Variants in HIBCH observed in about 807,000 individuals in gnomAD.
The protein encoded by HIBCH is 3-hydroxyisobutyryl-CoA hydrolase.
Under a neutral mutation model 58.2 loss-of-function variants are expected in HIBCH, and 50 were observed. That is an observed-to-expected ratio of 0.86 (90% CI 0.68 to 1.09). HIBCH has a LOEUF of 1.09. Among genes scored for constraint, HIBCH ranks in the 50% least tolerant of loss-of-function variants. The probability of loss-of-function intolerance (pLI) is 0.00; values close to 1 mark genes in which losing one functional copy is unlikely to be tolerated. For missense variants in HIBCH, 450 were observed against 449.7 expected, an observed-to-expected ratio of 1.00 and a Z score of -0.01; for synonymous variants, 151 against 146.9, an observed-to-expected ratio of 1.03 and a Z score of -0.20.
chr2:190,195,356 G>GATCATACAGTAAGA (rs540829380), intron 1 of HIBCH, among the ~76,000 whole-genome samples: 4,314 of 152,258 alleles, frequency 0.028, 89 homozygotes, highest in Non-Finnish European at 0.042. Context: ...AGAACTGCTG[G>GATCATACAGTAAGA]ATCATACAGT....
chr2:190,251,644 G>A, intron 8 of HIBCH: 1 of 311,552 alleles, frequency 3.2e-6, no homozygotes. Context: ...TTTCCACTAT[G>A]TTATCCTGTG....
chr2:190,195,654 G>T (rs1201587998), intron 1 of HIBCH, among the ~76,000 whole-genome samples: 1 of 152,140 alleles, frequency 6.6e-6, no homozygotes, highest in Admixed American at 6.6e-5. Context: ...GTATACTTTA[G>T]ATAACAATCT....
intron 1 of HIBCH, chr2:190,190,035 G>A (rs974289081): frequency 1.3e-5 from 2 of 152,154 alleles, no homozygotes; most frequent in Non-Finnish European, 2.9e-5. Flanking sequence ...CTGGATTTAG[G>A]TGCCCCAGAA....
intron 11 of HIBCH, chr2:190,213,675 C>G (rs1337547688): frequency 6.5e-6 from 1 of 154,130 alleles, no homozygotes; most frequent in Non-Finnish European, 1.4e-5. Context: ...GGTCATAAGT[C>G]AAATACTTCA....
chr2:190,279,029 C>T lies in HIBCH; in HGVS notation c.438+8557G>A, dbSNP rs895855103. 6.6e-6 allele frequency among the ~76,000 whole-genome samples: 1 copy of T among 152,184 alleles called. No homozygotes were observed. Among genetic ancestry groups the T allele is most frequent in the African/African-American group, 2.4e-5 (1 of 41,446 alleles). ...GAAAAGGAATCTATGTCTTACAGCT[C>T]TTCTGGAGATTGGGAAAGCCAAGGT... On this transcript the variant is annotated intron_variant, in intron 6 of 13. Coordinates refer to ENST00000359678, the MANE Select transcript of HIBCH (RefSeq NM_014362.4). This position sits in a 1 kb window ranked among gnomAD's most constrained non-coding sequence, Gnocchi z 4.2.
chr2:190,205,194 C>T lies in HIBCH; in HGVS notation c.1084G>A (p.Ala362Thr), dbSNP rs375193143. The T allele has an allele frequency of 3.7e-6, 6 of 1,609,042 alleles. No homozygotes were observed. Among genetic ancestry groups the T allele is most frequent in the Admixed American group, 3.3e-5 (2 of 60,000 alleles). Residue 362 changes from alanine to threonine, a missense_variant, in exon 14 of 14, where the codon GCT becomes ACT. Ala to Thr is a moderately conservative substitution (Grantham distance 58, BLOSUM62 0). Transcript: ENST00000359678. ...TCCTCAGTAACTTCTTTTAGATCAG[C>T]TGGTTTCCATTTTGGACTCTGGTCT... ...DKDQSPKWKPADLKEVTEEDL... is the reference protein window; with the variant it reads ...DKDQSPKWKPTDLKEVTEEDL...
In HIBCH at chr2:190,310,739, A is replaced by G. The variant is rs1688535091; in HGVS notation, c.78+15T>C. ...ACATACAAATAATGCCAGCAAAACAAACACAATAACTTACCAAATGGTGCA... is the reference window on the plus strand; with the variant it reads ...ACATACAAATAATGCCAGCAAAACAGACACAATAACTTACCAAATGGTGCA... On this transcript the variant is annotated intron_variant, in intron 2 of 13. Transcript: ENST00000359678. 2 of 1,596,190 alleles carry G rather than the reference A, an allele frequency of 1.3e-6. No individual in the cohort carries two copies. The highest frequency in any genetic ancestry group is 2.7e-5 in the African/African-American group (2 of 74,578).
chr2:190,288,626 ATTT>A lies in HIBCH; in HGVS notation c.386-991_386-989del, dbSNP rs1575751121. Reference sequence around the variant, plus strand: ...GTTACATTCCATGTTGTTAAAAACAATTTATGGAATGGTTACACAGTAAGATAG... The same window carrying A: ...GTTACATTCCATGTTGTTAAAAACAAATGGAATGGTTACACAGTAAGATAG... On this transcript the variant is annotated intron_variant, in intron 5 of 13. Transcript: ENST00000359678. Among the ~76,000 whole-genome samples, 5 of 152,092 alleles carry A rather than the reference ATTT, an allele frequency of 3.3e-5. No homozygotes were observed. In the East Asian group the frequency reaches 9.6e-4, roughly 29 times the overall value.
chr2:190,314,404 T>C (rs1242128727), intron 1 of HIBCH, among the ~76,000 whole-genome samples: 1 of 147,304 alleles, frequency 6.8e-6, no homozygotes, highest in Non-Finnish European at 1.5e-5. Flanking sequence ...TATATATACG[T>C]ATATATGTGT....
chr2:190,284,949 T>C (rs1175131396), intron 6 of HIBCH, among the ~76,000 whole-genome samples: 1 of 152,216 alleles, frequency 6.6e-6, no homozygotes, highest in Non-Finnish European at 1.5e-5. Context: ...TTACTTTCAG[T>C]GGAGTACTTA....
Position 190,206,531 on chromosome 2 carries a change from G to A in HIBCH, c.1046-1299C>T, listed in dbSNP as rs1217812491. ...ATACATACAAGTTCGTGCCATGTAGGCAGCTCAGGTTTTGCAAGTCTCCTG... is the reference window on the plus strand; with the variant it reads ...ATACATACAAGTTCGTGCCATGTAGACAGCTCAGGTTTTGCAAGTCTCCTG... On this transcript the variant is annotated intron_variant, in intron 13 of 13. Coordinates refer to ENST00000359678, the MANE Select transcript of HIBCH (RefSeq NM_014362.4). The surrounding 1 kb of genome is among the most constrained non-coding windows in gnomAD (Gnocchi z 5.1). Among the ~76,000 whole-genome samples the A allele has an allele frequency of 6.6e-6, 1 of 152,150 alleles. No homozygotes were observed. The highest frequency in any genetic ancestry group is 2.4e-5 in the African/African-American group (1 of 41,428).
chr2:190,258,794 AAATAT>A (rs1687003406), intron 7 of HIBCH, among the ~76,000 whole-genome samples: 1 of 152,128 alleles, frequency 6.6e-6, no homozygotes, highest in Non-Finnish European at 1.5e-5. Context: ...TTTTTTTCTA[AAATAT>A]AATATGAGGT....
chr2:190,269,772 CAT>C (rs775915710), intron 6 of HIBCH, among the ~76,000 whole-genome samples: 3 of 152,164 alleles, frequency 2.0e-5, no homozygotes, highest in Non-Finnish European at 4.4e-5. Context: ...CACATGCACA[CAT>C]ATGTTTACTG....
chr2:190,309,390 A>AT (rs1688500061), intron 2 of HIBCH, among the ~76,000 whole-genome samples: 1 of 152,178 alleles, frequency 6.6e-6, no homozygotes, highest in Admixed American at 6.5e-5. Context: ...ATGACTTGTT[A>AT]TTTTTATGTG....
Position 190,244,917 on chromosome 2 carries a change from A to G in HIBCH, c.861T>C (p.Asp287=), listed in dbSNP as rs1163270364. 3 of 1,611,774 alleles carry G rather than the reference A, an allele frequency of 1.9e-6. No individual in the cohort carries two copies. The highest frequency in any genetic ancestry group is 1.3e-5 in the African/African-American group (1 of 74,898). ...ATTGCTCTAGGGCAAAAGATGAACCATCTTGCTGTAAGTTTTCAATAATTT... is the reference window on the plus strand; with the variant it reads ...ATTGCTCTAGGGCAAAAGATGAACCGTCTTGCTGTAAGTTTTCAATAATTT... The part of the protein sequence containing the change: ...VEEIIENLQQ[D]GSSFALEQLK... Residue 287 remains aspartate, a synonymous_variant, in exon 11 of 14, where the codon GAT becomes GAC. Transcript: ENST00000359678.
At chr2:190,240,652 C>A (rs1686424798) in intron 11 of HIBCH, among the ~76,000 whole-genome samples, 1 of 152,148 alleles carries the variant, frequency 6.6e-6, no homozygotes, top group Non-Finnish European at 1.5e-5. Context: ...CTAAACACTG[C>A]TTTAGCTGTG....
Position 190,244,911 on chromosome 2 carries a change from T to C in HIBCH, c.867A>G (p.Ser289=). ...EIIENLQQDG[S]SFALEQLKVI... Reference sequence around the variant, plus strand: ...CCTTCAATTGCTCTAGGGCAAAAGATGAACCATCTTGCTGTAAGTTTTCAA... The same window carrying C: ...CCTTCAATTGCTCTAGGGCAAAAGACGAACCATCTTGCTGTAAGTTTTCAA... Residue 289 remains serine, a synonymous_variant, in exon 11 of 14, where the codon TCA becomes TCG. Transcript: ENST00000359678. The C allele has an allele frequency of 5.6e-6, 9 of 1,611,388 alleles. No homozygotes were observed. Among genetic ancestry groups the C allele is most frequent in the African/African-American group, 2.7e-5 (2 of 75,012 alleles).
Position 190,315,992 on chromosome 2 carries a change from C to G in HIBCH, c.35+3724G>C, listed in dbSNP as rs1688702778. On this transcript the variant is annotated intron_variant, in intron 1 of 13. Coordinates refer to ENST00000359678, the MANE Select transcript of HIBCH (RefSeq NM_014362.4). The surrounding 1 kb of genome is among the most constrained non-coding windows in gnomAD (Gnocchi z 5.4). ...AGAAAAGTTAGAACTAAAGGTATATCTTATGCCACATGCATGTACAATCAC... is the reference window on the plus strand; with the variant it reads ...AGAAAAGTTAGAACTAAAGGTATATGTTATGCCACATGCATGTACAATCAC... 6.6e-6 allele frequency among the ~76,000 whole-genome samples: 1 copy of G among 152,158 alleles called. No individual in the cohort carries two copies. Among genetic ancestry groups the G allele is most frequent in the African/African-American group, 2.4e-5 (1 of 41,436 alleles).
At chr2:190,272,295 T>A (rs967923090) in intron 6 of HIBCH, among the ~76,000 whole-genome samples, 38 of 152,140 alleles carry the variant, frequency 2.5e-4, no homozygotes, top group African/African-American at 9.2e-4. Context: ...ATCCAATAAG[T>A]TTTGCTGCTT....
Sources: allele counts gnomAD v4.1 joint callset (sites outside exome capture counted in the v4.1 genomes callset), GRCh38; gene constraint gnomAD v4.1.1; non-coding constraint Gnocchi (gnomAD v3.1); transcripts MANE v1.5; gene names NCBI Gene and HGNC (gene_info 2026-07-23, HGNC 2026-07-21).